Variants in PTPN13 observed in about 807,000 individuals in gnomAD.
PTPN13 encodes the protein protein tyrosine phosphatase non-receptor type 13.
In PTPN13, 191 loss-of-function variants were observed where a neutral mutation model predicts 284.0. The ratio of observed to expected loss-of-function variants is 0.67; its 90% CI spans 0.60 to 0.76. The LOEUF (loss-of-function observed/expected upper bound fraction) is 0.76, where lower values mean the gene tolerates loss of function less well. PTPN13 is among the 30% of genes least tolerant of loss of function. The pLI is 0.00. For synonymous variants in PTPN13, 986 were observed against 1,022.3 expected (o/e 0.96, Z 0.68); for missense variants, 2,797 against 2,939.9 (o/e 0.95, Z 1.12).
At chr4:86,667,424 A>G (rs1346159734) in intron 2 of PTPN13, among the ~76,000 whole-genome samples, 2 of 152,114 alleles carry the variant, frequency 1.3e-5, no homozygotes, top group Non-Finnish European at 2.9e-5. Flanking sequence ...TTAAGTAGTA[A>G]CAAAACTTTT....
intron 2 of PTPN13, among the ~76,000 whole-genome samples, chr4:86,660,138 T>G (rs903288430): frequency 6.6e-6 from 1 of 152,110 alleles, no homozygotes; most frequent in African/African-American, 2.4e-5. Flanking sequence ...AATTTAAAAT[T>G]ATAAGTAAAA....
At chr4:86,628,392 A>T (rs1347804742) in intron 1 of PTPN13, among the ~76,000 whole-genome samples, 8 of 152,008 alleles carry the variant, frequency 5.3e-5, no homozygotes, top group South Asian at 2.1e-4. Flanking sequence ...ATTCAAATCT[A>T]AAAAAAACTG....
chr4:86,681,633 T>C (rs1474587397), intron 3 of PTPN13, among the ~76,000 whole-genome samples: 2 of 152,114 alleles, frequency 1.3e-5, no homozygotes, highest in East Asian at 1.9e-4. Context: ...AATGAGCTAA[T>C]GTATATAATG....
intron 9 of PTPN13, 56 bp downstream of exon 9, chr4:86,717,173 A>C (rs1485503086): frequency 8.5e-7 from 1 of 1,182,584 alleles, no homozygotes; most frequent in Non-Finnish European, 1.2e-6. Flanking sequence ...TTTGTTTTTT[A>C]TTTGAATTAA....
At position 86,701,691 on chromosome 4, in the gene PTPN13, T is replaced by C; in HGVS notation, c.1085T>C (p.Ile362Thr). 10 of 1,613,830 alleles carry C rather than the reference T, an allele frequency of 6.2e-6. No homozygotes were observed. Among genetic ancestry groups the C allele is most frequent in the Non-Finnish European group, 8.5e-6 (10 of 1,179,794 alleles). ...TTTGGCCCTCAGAAAATGGATCCAA[T>C]ATATCACACTCGAGAATTGCCCACC... ...DIFGPQKMDP[I>T]YHTRELPTSS... Residue 362 changes from isoleucine (I) to threonine (T), a missense_variant, in exon 7 of 48, where the codon ATA (isoleucine) becomes ACA (threonine). Physicochemically the swap from Ile to Thr is moderately conservative, Grantham distance 89. Coordinates refer to ENST00000411767, the MANE Select transcript of PTPN13 (RefSeq NM_080683.3).
At chr4:86,795,023 G>A (rs1743162670) in intron 40 of PTPN13, among the ~76,000 whole-genome samples, 1 of 152,150 alleles carries the variant, frequency 6.6e-6, no homozygotes, top group Admixed American at 6.5e-5. Context: ...AAAAGCAATG[G>A]CAACAAAAGC....
intron 40 of PTPN13, among the ~76,000 whole-genome samples, chr4:86,795,445 TG>T (rs1743226444): frequency 6.6e-6 from 1 of 151,926 alleles, no homozygotes; most frequent in Non-Finnish European, 1.5e-5. Flanking sequence ...TTGGTGGGAG[TG>T]TAAAGTAGTT....
intron 1 of PTPN13, among the ~76,000 whole-genome samples, chr4:86,605,517 A>G (rs1764670767): frequency 6.6e-6 from 1 of 151,942 alleles, no homozygotes. Flanking sequence ...ATGGTAAAGA[A>G]TGAGTCCTAG....
At position 86,741,752 on chromosome 4, in the gene PTPN13, A is replaced by T; in HGVS notation, c.2423A>T (p.His808Leu). 6.2e-7 allele frequency: 1 copy of T among 1,613,250 alleles called. No homozygotes were observed. Among genetic ancestry groups the T allele is most frequent in the Non-Finnish European group, 8.5e-7 (1 of 1,179,530 alleles). ...AAAGGTGTCCTTGTGTTTGAAGTTCACAATGGAGTGCGCACATTGGTCCTT... is the reference window on the plus strand; with the variant it reads ...AAAGGTGTCCTTGTGTTTGAAGTTCTCAATGGAGTGCGCACATTGGTCCTT... ...CSKGVLVFEV[H>L]NGVRTLVLRF... Residue 808 changes from histidine to leucine, a missense_variant, in exon 16 of 48, where the codon CAC (histidine) becomes CTC (leucine). By Grantham distance (99) the His-to-Leu change is moderately conservative (BLOSUM62 -3). Coordinates refer to ENST00000411767, the MANE Select transcript of PTPN13 (RefSeq NM_080683.3).
At position 86,701,279 on chromosome 4, in the gene PTPN13, C is replaced by T; in HGVS notation, c.673C>T (p.Pro225Ser). The T allele has an allele frequency of 6.2e-7, 1 of 1,601,462 alleles. No individual in the cohort carries two copies. The highest frequency in any genetic ancestry group is 8.5e-7 in the Non-Finnish European group (1 of 1,174,986). ...STSDVLDIQK[P>S]PLSHQTFLNK... is the part of the protein sequence containing the mutation. The stretch of plus-strand genomic sequence containing the variant: ...TTCTGATGTACTAGACATACAAAAG[C>T]CTCCACTCTCTCATCAGACCTTTCT... Residue 225 changes from proline (P) to serine (S), a missense_variant, in exon 7 of 48, where the codon CCT becomes TCT. Physicochemically the swap from Pro to Ser is moderately conservative, Grantham distance 74 (BLOSUM62 -1). Transcript: ENST00000411767.
At chr4:86,618,169 T>C (rs1235297662) in intron 1 of PTPN13, among the ~76,000 whole-genome samples, 5 of 152,098 alleles carry the variant, frequency 3.3e-5, no homozygotes, top group South Asian at 2.1e-4. Flanking sequence ...CCCAGCACCA[T>C]TTATTAAATA....
Position 86,660,151 on chromosome 4 carries a change from G to A in PTPN13, c.116-12214G>A, listed in dbSNP as rs999291041. ...CAAATTTAAAATTATAAGTAAAACA[G>A]TAGTATGTGAGACTGATGTCGGTGA... On this transcript the variant is annotated intron_variant, in intron 2 of 47. Coordinates refer to ENST00000411767, the MANE Select transcript of PTPN13 (RefSeq NM_080683.3). Among the ~76,000 whole-genome samples, 11 of 152,172 alleles carry A rather than the reference G, an allele frequency of 7.2e-5. No individual in the cohort carries two copies. In the East Asian group the frequency reaches 2.1e-3, roughly 29 times the overall value.
At chr4:86,701,034 A>G (rs773062495) in intron 6 of PTPN13, among the ~76,000 whole-genome samples, 18 of 152,314 alleles carry the variant, frequency 1.2e-4, no homozygotes, top group South Asian at 2.1e-4. Context: ...CTTTTATTAG[A>G]TAAGAGACGA....
chr4:86,759,694 A>T (rs886841749), intron 23 of PTPN13, among the ~76,000 whole-genome samples: 1 of 152,136 alleles, frequency 6.6e-6, no homozygotes, highest in Non-Finnish European at 1.5e-5. Flanking sequence ...ACCACCTAAA[A>T]CTGTACACAT....
chr4:86,762,979 T>C lies in PTPN13; in HGVS notation c.3806T>C (p.Leu1269Ser). The change falls in exon 24 of 48, where the codon TTA becomes TCA. Residue 1269 changes from leucine (L) to serine (S), a missense_variant. Physicochemically the swap from Leu to Ser is moderately radical, Grantham distance 145. Coordinates refer to ENST00000411767, the MANE Select transcript of PTPN13 (RefSeq NM_080683.3). ...GTCAATGGTTTCTTTGCCAGCCATT[T>C]AGGTGACCAAACCTGGCAGGAATCA... is the stretch of plus-strand genomic sequence containing the variant. Reference protein sequence around the residue: ...SQVNGFFASHLGDQTWQESQH... With the variant: ...SQVNGFFASHSGDQTWQESQH... 6.2e-7 allele frequency: 1 copy of C among 1,613,906 alleles called. No homozygotes were observed. Among genetic ancestry groups the C allele is most frequent in the Non-Finnish European group, 8.5e-7 (1 of 1,179,838 alleles).
At position 86,762,984 on chromosome 4, in the gene PTPN13, G is replaced by A. The variant is rs754945960; in HGVS notation, c.3811G>A (p.Asp1271Asn). The change falls in exon 24 of 48, where the codon GAC becomes AAC. Residue 1271 changes from aspartate (D) to asparagine (N), a missense_variant. Coordinates refer to ENST00000411767, the MANE Select transcript of PTPN13 (RefSeq NM_080683.3). ...TGGTTTCTTTGCCAGCCATTTAGGT[G>A]ACCAAACCTGGCAGGAATCACAGCA... ...VNGFFASHLGDQTWQESQHGS... is the reference protein window; with the variant it reads ...VNGFFASHLGNQTWQESQHGS... The A allele has an allele frequency of 1.2e-5, 19 of 1,613,768 alleles. No homozygotes were observed. The highest frequency in any genetic ancestry group is 1.6e-5 in the Non-Finnish European group (19 of 1,179,820).
intron 19 of PTPN13, 96 bp from the exon 20 acceptor site, chr4:86,752,910 ATTG>A: frequency 1.3e-6 from 1 of 782,674 alleles, no homozygotes; most frequent in South Asian, 2.4e-5. Context: ...TTGCTGCCTT[ATTG>A]TTCTATTGAT....
At chr4:86,788,408 A>G (rs1742238844) in intron 40 of PTPN13, among the ~76,000 whole-genome samples, 1 of 152,178 alleles carries the variant, frequency 6.6e-6, no homozygotes, top group Non-Finnish European at 1.5e-5. Flanking sequence ...ATTGTATATT[A>G]TTTACTGAAT....
intron 6 of PTPN13, among the ~76,000 whole-genome samples, chr4:86,699,631 A>G (rs1391794531): frequency 1.3e-5 from 2 of 152,224 alleles, no homozygotes; most frequent in Non-Finnish European, 2.9e-5. Flanking sequence ...TGGTGTTGCC[A>G]AATACCCACT....
Sources: allele counts gnomAD v4.1 joint callset (sites outside exome capture counted in the v4.1 genomes callset), GRCh38; gene constraint gnomAD v4.1.1; transcripts MANE v1.5; gene names NCBI Gene and HGNC (gene_info 2026-07-23, HGNC 2026-07-21).